RAB28: variants seen among roughly 807,000 people sequenced by gnomAD.
RAB28 encodes the protein RAB28, member RAS oncogene family, also known as ras-related protein Rab-28.
A neutral mutation model predicts 31.7 loss-of-function variants in RAB28; 24 were observed. The observed-to-expected ratio is 0.76, with a 90% confidence interval of 0.55 to 1.06. The LOEUF (loss-of-function observed/expected upper bound fraction) is 1.06. RAB28 is among the 50% of genes least tolerant of loss of function. The probability of loss-of-function intolerance (pLI) is 0.00; values close to 1 mark genes in which losing one functional copy is unlikely to be tolerated. For missense variants in RAB28, 254 were observed against 258.5 expected (o/e 0.98, Z 0.12); for synonymous variants, 100 against 90.4 (o/e 1.11, Z -0.60).
intron 4 of RAB28, among the ~76,000 whole-genome samples, chr4:13,435,163 C>T (rs1180517043): frequency 6.7e-6 from 1 of 149,540 alleles, no homozygotes; most frequent in African/African-American, 2.5e-5. Context: ...AAAAAAAAAT[C>T]CAAAAATTAC....
intron 2 of RAB28, among the ~76,000 whole-genome samples, 184 bp from the exon 3 acceptor site, chr4:13,474,590 G>A (rs1716266496): frequency 6.6e-6 from 1 of 151,376 alleles, no homozygotes; most frequent in Non-Finnish European, 1.5e-5. Flanking sequence ...ATTATAGTGG[G>A]GAATCTAGTT....
At chr4:13,468,058 G>A (rs1021135034) in intron 3 of RAB28, among the ~76,000 whole-genome samples, 1 of 151,860 alleles carries the variant, frequency 6.6e-6, no homozygotes, top group African/African-American at 2.4e-5. Context: ...CCTCCAAGAA[G>A]ACATAACAAT....
intron 6 of RAB28, among the ~76,000 whole-genome samples, chr4:13,374,576 T>C (rs973978011): frequency 6.6e-6 from 1 of 152,086 alleles, no homozygotes; most frequent in Non-Finnish European, 1.5e-5. Flanking sequence ...AGACAACCAA[T>C]CATTGGGTTT....
At chr4:13,404,646 T>C (rs375836173) in intron 4 of RAB28, among the ~76,000 whole-genome samples, 24 of 152,228 alleles carry the variant, frequency 1.6e-4, no homozygotes, top group South Asian at 6.2e-4. Context: ...AACATCTCCA[T>C]TGCAAAGAAT....
chr4:13,401,532 A>T (rs35063322), intron 4 of RAB28, among the ~76,000 whole-genome samples: 30,917 of 151,948 alleles, frequency 0.2, 3,458 homozygotes, highest in East Asian at 0.3. Context: ...AAATAATTTT[A>T]AAAAAAATTG....
At chr4:13,382,900 A>G (rs1267252961) in intron 4 of RAB28, among the ~76,000 whole-genome samples, 12 of 151,984 alleles carry the variant, frequency 7.9e-5, no homozygotes, top group Admixed American at 5.9e-4. Flanking sequence ...GGGTTTCACT[A>G]CGTTGGCCAG....
rs548501502 is a variant in RAB28, at chr4:13,478,522, T to C, written c.172+908A>G. ...AGATGGGGTGTCTGAGAGGTTAACA[T>C]ATTTCAATAATAATTGGAATGTATT... is the stretch of plus-strand genomic sequence containing the variant. On this transcript the variant is annotated intron_variant, in intron 2 of 6. Coordinates refer to ENST00000330852, the MANE Select transcript of RAB28 (RefSeq NM_001017979.3). Among the ~76,000 whole-genome samples, 322 of 151,706 alleles carry C rather than the reference T, an allele frequency of 2.1e-3. 1 individual carries two copies. The highest frequency in any genetic ancestry group is 7.5e-3 in the African/African-American group (310 of 41,512).
At chr4:13,375,733 G>GT (rs1728892424) in intron 6 of RAB28, among the ~76,000 whole-genome samples, 1 of 151,726 alleles carries the variant, frequency 6.6e-6, no homozygotes, top group Non-Finnish European at 1.5e-5. Flanking sequence ...CCATATCAGT[G>GT]TAACAATTTC....
At chr4:13,393,785 C>T (rs534829310) in intron 4 of RAB28, among the ~76,000 whole-genome samples, 36 of 144,684 alleles carry the variant, frequency 2.5e-4, no homozygotes, top group African/African-American at 7.9e-4. Flanking sequence ...CTGAAAGTTA[C>T]TACAGTTCTG....
Position 13,368,416 on chromosome 4 carries a change from A to C in RAB28, c.*142T>G. 7.8e-7 allele frequency: 1 copy of C among 1,284,692 alleles called. No homozygotes were observed. The highest frequency in any genetic ancestry group is 9.9e-7 in the Non-Finnish European group (1 of 1,014,176). 79.6% of individuals were successfully genotyped at this position (1,284,692 alleles called of 1,614,324 possible). On this transcript the variant is annotated 3_prime_UTR_variant, in exon 7 of 7. Transcript: ENST00000330852. ...AAGGAGCTGCCTGCCACTGTGAGGCAATAGCAATGATGAAGCAAGTTGGGA... is the reference window on the plus strand; with the variant it reads ...AAGGAGCTGCCTGCCACTGTGAGGCCATAGCAATGATGAAGCAAGTTGGGA...
intron 4 of RAB28, among the ~76,000 whole-genome samples, chr4:13,423,083 G>C (rs1358809575): frequency 1.3e-5 from 2 of 152,050 alleles, no homozygotes; most frequent in Non-Finnish European, 1.5e-5. Flanking sequence ...TCAATTACTA[G>C]ACTGATAGAA....
At chr4:13,402,119 T>C (rs1200001887) in intron 4 of RAB28, among the ~76,000 whole-genome samples, 1 of 152,252 alleles carries the variant, frequency 6.6e-6, no homozygotes, top group Non-Finnish European at 1.5e-5. Context: ...AGACATTAAA[T>C]TCTTTTAAAT....
At chr4:13,425,288 C>A (rs1713410061) in intron 4 of RAB28, among the ~76,000 whole-genome samples, 1 of 152,112 alleles carries the variant, frequency 6.6e-6, no homozygotes, top group Admixed American at 6.5e-5. Flanking sequence ...TTTTAAGAAA[C>A]TATTTGATGC....
chr4:13,427,559 G>C (rs1713573896), intron 4 of RAB28, among the ~76,000 whole-genome samples: 1 of 152,040 alleles, frequency 6.6e-6, no homozygotes, highest in South Asian at 2.1e-4. Context: ...ATGGGATTGT[G>C]CAGCGCAAAT....
intron 4 of RAB28, among the ~76,000 whole-genome samples, chr4:13,434,809 A>C (rs900558074): frequency 6.6e-6 from 1 of 152,140 alleles, no homozygotes; most frequent in Non-Finnish European, 1.5e-5. Context: ...ATTTGAGGTC[A>C]GAAGTTTGAG....
chr4:13,441,676 T>C (rs1714422354), intron 4 of RAB28, among the ~76,000 whole-genome samples: 1 of 152,252 alleles, frequency 6.6e-6, no homozygotes, highest in Non-Finnish European at 1.5e-5. Context: ...ATATTTGCTT[T>C]ATGGATGGCT....
chr4:13,371,910 T>C (rs1315750466), intron 6 of RAB28: 24 of 1,468,416 alleles, frequency 1.6e-5, no homozygotes, highest in Non-Finnish European at 2.1e-5. Flanking sequence ...AGCTTAACCC[T>C]GATATTTTCA....
chr4:13,416,980 T>C (rs2108915872), intron 4 of RAB28, among the ~76,000 whole-genome samples: 1 of 152,316 alleles, frequency 6.6e-6, no homozygotes, highest in Non-Finnish European at 1.5e-5. Context: ...TTCCCTTTCC[T>C]AGCCAAGGAA....
intron 4 of RAB28, among the ~76,000 whole-genome samples, chr4:13,389,483 TTCCAAAGCTACAGTTATTGATAA>T (rs1729530880): frequency 6.6e-6 from 1 of 152,122 alleles, no homozygotes; most frequent in South Asian, 2.1e-4. Flanking sequence ...AAACATAGCT[TTCCAAAGCTACAGTTATTGATAA>T]TCCACCACTC....
Sources: gnomAD v4.1 joint callset for allele counts (sites outside exome capture counted in the v4.1 genomes callset) on GRCh38, gnomAD v4.1.1 for gene constraint, MANE v1.5 for transcripts, NCBI Gene and HGNC (gene_info 2026-07-23, HGNC 2026-07-21) for gene names.